Variants in POLG observed in about 807,000 individuals in gnomAD.
POLG encodes the protein DNA polymerase gamma, catalytic subunit.
Under a neutral mutation model 155.4 loss-of-function variants are expected in POLG, and 110 were observed. That is an observed-to-expected ratio of 0.71 (90% CI 0.61 to 0.83). The LOEUF is 0.83. Ranked by LOEUF, POLG falls within the 40% of genes least tolerant of loss-of-function variation. The pLI, the probability that POLG is intolerant of heterozygous loss-of-function variation, is 0.00. For synonymous variants in POLG, 701 were observed against 631.5 expected, an observed-to-expected ratio of 1.11 and a Z score of -1.65; for missense variants, 1,685 against 1,627.5, an observed-to-expected ratio of 1.04 and a Z score of -0.61.
chr15:89,325,557 G>A lies in POLG; in HGVS notation c.1842C>T (p.Tyr614=), dbSNP rs62640033. 27 of 1,613,504 alleles carry A rather than the reference G, an allele frequency of 1.7e-5. No homozygotes were observed. In the African/African-American group the frequency reaches 2.5e-4, roughly 15 times the overall value. Residue 614 remains tyrosine (Y), a synonymous_variant, in exon 10 of 23, where the codon TAC becomes TAT. Transcript: ENST00000268124. ...AGTAGCCCCAGCCATGACGCTCTGA[G>A]TAGTGCAGAGGGAAGCCATCCCAGG... ...ALTWDGFPLH[Y]SERHGWGYLV...
intron 16 of POLG, 34 bp from the exon 17 acceptor site, chr15:89,321,294 T>C (rs1355426858): frequency 2.5e-6 from 4 of 1,611,646 alleles, no homozygotes; most frequent in Non-Finnish European, 3.4e-6. Flanking sequence ...AATGAGACTC[T>C]TCCTACCCCA....
intron 22 of POLG, 132 bp downstream of exon 22, chr15:89,317,244 T>C (rs1567183669): frequency 2.5e-6 from 2 of 787,194 alleles, no homozygotes; most frequent in Non-Finnish European, 4.4e-6. Context: ...CCTTATAAAC[T>C]GAAATTAGCC....
intron 2 of POLG, 103 bp downstream of exon 2, chr15:89,332,993 T>C: frequency 2.1e-6 from 3 of 1,436,246 alleles, no homozygotes; most frequent in African/African-American, 1.4e-5. Context: ...GCTCCCTACG[T>C]GAGCACCCAG....
At position 89,333,728 on chromosome 15, in the gene POLG, C is replaced by G. The variant is rs2055632122; in HGVS notation, c.27G>C (p.Val9=). The G allele has an allele frequency of 6.5e-7, 1 of 1,535,734 alleles. No individual in the cohort carries two copies. The highest frequency in any genetic ancestry group is 1.2e-5 in the South Asian group (1 of 84,214). The part of the protein sequence containing the change: MSRLLWRK[V]AGATVGPGPV... ...GCCCTGGCCCGACGGTGGCGCCGGC[C>G]ACCTTCCTCCAGAGCAGGCGGCTCA... Residue 9 remains valine, a synonymous_variant, in exon 2 of 23, where the codon GTG becomes GTC. Transcript: ENST00000268124.
In POLG at chr15:89,316,513, A is replaced by G. The variant is rs536260762; in HGVS notation, c.*238T>C. 1.8e-5 allele frequency: 27 copies of G among 1,542,034 alleles called. No homozygotes were observed. The South Asian group carries it at 3.1e-4, about 18-fold the overall frequency. ...GGGGCTTCTGCTTCATTTTTACCCA[A>G]CAAGCAACAATGCCCCTTGTCCTGT... On this transcript the variant is annotated 3_prime_UTR_variant, in exon 23 of 23. Transcript: ENST00000268124.
rs1361751277 is a variant in POLG at position 89,323,841 on chromosome 15, C to T, written c.2131G>A (p.Ala711Thr). ...AGAGCTAGGGGTTGACCTGGCACTG[C>T]AGCTCGCAAGTTCTCCATCTTGGCC... is the stretch of plus-strand genomic sequence containing the variant. ...AEAKMENLRAAVPGQPLALTA... is the reference protein window; with the variant it reads ...AEAKMENLRATVPGQPLALTA... The change falls in exon 12 of 23, where the codon GCA becomes ACA. Residue 711 changes from alanine (A) to threonine (T), a missense_variant. Physicochemically the swap from Ala to Thr is moderately conservative, Grantham distance 58. This residue lies in a region of POLG where 1,210 missense variants were observed against 1,167.1 expected (regional missense o/e 1.04). Coordinates refer to ENST00000268124, the MANE Select transcript of POLG (RefSeq NM_002693.3). The T allele has an allele frequency of 6.2e-7, 1 of 1,613,962 alleles. No homozygotes were observed. The highest frequency in any genetic ancestry group is 8.5e-7 in the Non-Finnish European group (1 of 1,179,908).
intron 1 of POLG, 162 bp downstream of exon 1, chr15:89,334,511 A>G (rs1161262933): frequency 6.6e-6 from 1 of 151,510 alleles, no homozygotes; most frequent in East Asian, 2.0e-4. Flanking sequence ...GTCGGCGGCC[A>G]CCCCCGTGCG....
intron 11 of POLG, 85 bp downstream of exon 11, chr15:89,324,022 G>A (rs2055436308): frequency 6.3e-7 from 1 of 1,593,562 alleles, no homozygotes; most frequent in South Asian, 1.1e-5. Context: ...ACCAGTGCCA[G>A]CCTCCCACCC....
Position 89,319,356 on chromosome 15 carries a change from G to A in POLG, c.2982-6C>T, listed in dbSNP as rs796052892. ...CCTCATCCGACAGCCGATACCTGGG[G>A]GCAGTGTTATCACCATCATTCCACG... is the stretch of plus-strand genomic sequence containing the variant. On this transcript the variant is annotated splice_polypyrimidine_tract_variant and splice_region_variant and intron_variant, in intron 18 of 22. Transcript: ENST00000268124. 1 of 1,613,690 alleles carries A rather than the reference G, an allele frequency of 6.2e-7. No individual in the cohort carries two copies. The highest frequency in any genetic ancestry group is 1.3e-5 in the African/African-American group (1 of 75,044).
rs2055551428 is a variant in POLG at position 89,328,443 on chromosome 15, G to A, written c.1250+13C>T. The A allele has an allele frequency of 6.2e-7, 1 of 1,608,258 alleles. No homozygotes were observed. The highest frequency in any genetic ancestry group is 8.5e-7 in the Non-Finnish European group (1 of 1,175,422). The stretch of plus-strand genomic sequence containing the variant: ...ACTGACCCCCAGAGATTCCCACATG[G>A]GCTCCCCCTCACCTCTCCAAGAAGA... On this transcript the variant is annotated intron_variant, in intron 6 of 22. Coordinates refer to ENST00000268124, the MANE Select transcript of POLG (RefSeq NM_002693.3).
intron 1 of POLG, 56 bp downstream of exon 1, chr15:89,334,617 G>C (rs1052058659): frequency 6.6e-6 from 1 of 152,434 alleles, no homozygotes; most frequent in East Asian, 1.9e-4. Context: ...TGGAGAGGGA[G>C]GGGCCGCGCC....
At chr15:89,328,899 G>A in intron 4 of POLG, 44 bp downstream of exon 4, 1 of 1,613,918 alleles carries the variant, frequency 6.2e-7, no homozygotes, top group Non-Finnish European at 8.5e-7. Flanking sequence ...GGTGAGAGGG[G>A]GTCCCAAGCA....
At chr15:89,319,169 G>A in intron 19 of POLG, 59 bp downstream of exon 19, 9 of 1,614,126 alleles carry the variant, frequency 5.6e-6, no homozygotes, top group Non-Finnish European at 7.6e-6. Flanking sequence ...AAGCATCCAA[G>A]CTCTTCTGGG....
intron 12 of POLG, 56 bp from the exon 13 acceptor site, chr15:89,323,567 G>A: frequency 1.7e-6 from 2 of 1,162,442 alleles, no homozygotes; most frequent in Non-Finnish European, 2.6e-6. Flanking sequence ...ATTCAGCAAG[G>A]GCCATGGGGT....
chr15:89,325,232 G>A lies in POLG; in HGVS notation c.1949+218C>T, dbSNP rs1436363886. 6.9e-5 allele frequency among the ~76,000 whole-genome samples: 4 copies of A among 58,160 alleles called. 1 individual carries two copies. Among genetic ancestry groups the A allele is most frequent in the East Asian group, 8.3e-4 (2 of 2,412 alleles). 38.2% of individuals were successfully genotyped at this position (58,160 alleles called of 152,430 possible). On this transcript the variant is annotated intron_variant, in intron 10 of 22. Coordinates refer to ENST00000268124, the MANE Select transcript of POLG (RefSeq NM_002693.3). ...AGAGTGAGTGAGTGAGAGAGTGAGT[G>A]AGAGAGTGAGTGAGTGAGAGAGAGA... is the stretch of plus-strand genomic sequence containing the variant.
chr15:89,332,976 C>T (rs1042271018), intron 2 of POLG, 120 bp downstream of exon 2: 2 of 1,346,874 alleles, frequency 1.5e-6, no homozygotes, highest in Admixed American at 2.6e-5. Context: ...TAATTCAACA[C>T]ATCAGCGCTC....
chr15:89,320,395 C>T (rs550592968), intron 18 of POLG, among the ~76,000 whole-genome samples: 9 of 152,326 alleles, frequency 5.9e-5, no homozygotes, highest in East Asian at 3.9e-4. Context: ...TTTGCCACAG[C>T]GCCCTCCTGT....
In POLG at chr15:89,325,617, C is replaced by T. The variant is rs1419141450; in HGVS notation, c.1782G>A (p.Leu594=). 1.2e-6 allele frequency: 2 copies of T among 1,613,454 alleles called. No homozygotes were observed. Among genetic ancestry groups the T allele is most frequent in the South Asian group, 1.1e-5 (1 of 91,092 alleles). ...TGAGTTTAGGTGTGACCCGCATCTGCAGGCTGAGGAGGCTGGGGCCCGGGG... is the reference window on the plus strand; with the variant it reads ...TGAGTTTAGGTGTGACCCGCATCTGTAGGCTGAGGAGGCTGGGGCCCGGGG... ...AWTPGPSLLS[L]QMRVTPKLMA... Residue 594 remains leucine (L), a synonymous_variant, in exon 10 of 23, where the codon CTG becomes CTA. Coordinates refer to ENST00000268124, the MANE Select transcript of POLG (RefSeq NM_002693.3).
intron 6 of POLG, 25 bp from the exon 7 acceptor site, chr15:89,327,374 C>A: frequency 6.2e-7 from 1 of 1,609,274 alleles, no homozygotes; most frequent in African/African-American, 1.3e-5. Flanking sequence ...CCAGGAGCTG[C>A]CATAAATGAC....
Sources: gnomAD v4.1 joint callset for allele counts (sites outside exome capture counted in the v4.1 genomes callset) on GRCh38, gnomAD v4.1.1 for gene constraint, gnomAD v4.1.1 regional missense constraint, MANE v1.5 for transcripts, NCBI Gene and HGNC (gene_info 2026-07-23, HGNC 2026-07-21) for gene names.